The following EXOC6B variants were observed in gnomAD, a reference collection of about 807,000 sequenced individuals.
The protein encoded by EXOC6B is SEC15 homolog B.
A neutral mutation model predicts 113.5 loss-of-function variants in EXOC6B; 54 were observed. The ratio of observed to expected loss-of-function variants is 0.48; its 90% CI spans 0.38 to 0.60. EXOC6B has a LOEUF of 0.60. Ranked by LOEUF, EXOC6B falls within the 20% of genes least tolerant of loss-of-function variation. EXOC6B has a pLI of 0.00. For missense variants in EXOC6B, 797 were observed against 977.5 expected (o/e 0.82, Z 2.46); for synonymous variants, 357 against 339.0 (o/e 1.05, Z -0.58).
intron 18 of EXOC6B, among the ~76,000 whole-genome samples, chr2:72,382,554 T>G (rs1230312771): frequency 6.6e-6 from 1 of 152,154 alleles, no homozygotes; most frequent in Non-Finnish European, 1.5e-5. Flanking sequence ...AATAGTTTAG[T>G]TCTGTGAAGA....
At chr2:72,465,826 T>C (rs1698016222) in intron 17 of EXOC6B, among the ~76,000 whole-genome samples, 1 of 152,210 alleles carries the variant, frequency 6.6e-6, no homozygotes, top group Non-Finnish European at 1.5e-5. Context: ...TTCTGTTAAA[T>C]ACTCTCTATT....
chr2:72,313,107 CA>C (rs1372174762), intron 20 of EXOC6B, among the ~76,000 whole-genome samples: 2 of 151,982 alleles, frequency 1.3e-5, no homozygotes, highest in Non-Finnish European at 2.9e-5. Flanking sequence ...TTAGCCTCAG[CA>C]CTATTAGAAA....
chr2:72,269,038 C>A (rs1684316683), intron 20 of EXOC6B, among the ~76,000 whole-genome samples: 1 of 152,026 alleles, frequency 6.6e-6, no homozygotes, highest in African/African-American at 2.4e-5. Context: ...AGATAAATAC[C>A]AAATTCACAG....
intron 18 of EXOC6B, among the ~76,000 whole-genome samples, chr2:72,391,116 G>T (rs1005058047): frequency 2.0e-5 from 3 of 152,036 alleles, no homozygotes; most frequent in South Asian, 2.1e-4. Flanking sequence ...GAGATTGCTG[G>T]GTTTACACTT....
intron 6 of EXOC6B, among the ~76,000 whole-genome samples, chr2:72,624,289 G>C (rs1293177140): frequency 1.3e-5 from 2 of 151,916 alleles, no homozygotes; most frequent in African/African-American, 4.8e-5. Context: ...GTAGAGACAG[G>C]GGTTTTGCTA....
Position 72,534,543 on chromosome 2 carries a change from A to G in EXOC6B, c.916-19417T>C, listed in dbSNP as rs563104394. Among the ~76,000 whole-genome samples, 5 of 152,282 alleles carry G rather than the reference A, an allele frequency of 3.3e-5. No individual in the cohort carries two copies. The South Asian group carries it at 1.0e-3, about 32-fold the overall frequency. On this transcript the variant is annotated intron_variant, in intron 8 of 21. Transcript: ENST00000272427. ...CTTGATTGAGGTAAGGGTTGGATTT[A>G]AGGTTTGAGGAAGTAGAAGAGGCAA...
chr2:72,224,667 T>A (rs552621398), intron 20 of EXOC6B, among the ~76,000 whole-genome samples: 1 of 152,068 alleles, frequency 6.6e-6, no homozygotes, highest in Admixed American at 6.6e-5. Context: ...TCTCGCTCTG[T>A]TGCCCAGGCT....
At chr2:72,780,799 A>G (rs920289730) in intron 1 of EXOC6B, among the ~76,000 whole-genome samples, 1 of 152,198 alleles carries the variant, frequency 6.6e-6, no homozygotes, top group African/African-American at 2.4e-5. Context: ...AGCTATACCA[A>G]TTCCCTTTAC....
At chr2:72,442,858 T>C (rs1389256389) in intron 18 of EXOC6B, among the ~76,000 whole-genome samples, 1 of 152,114 alleles carries the variant, frequency 6.6e-6, no homozygotes, top group Non-Finnish European at 1.5e-5. Flanking sequence ...AAACTGCCAT[T>C]GACATTCTTC....
chr2:72,347,291 T>C (rs1160077865), intron 19 of EXOC6B, among the ~76,000 whole-genome samples: 1 of 152,162 alleles, frequency 6.6e-6, no homozygotes, highest in Non-Finnish European at 1.5e-5. Flanking sequence ...GTGGGTTTCC[T>C]GAGAGATGAG....
At chr2:72,659,099 GA>G (rs1375740095) in intron 6 of EXOC6B, among the ~76,000 whole-genome samples, 2 of 151,996 alleles carry the variant, frequency 1.3e-5, no homozygotes, top group East Asian at 3.9e-4. Flanking sequence ...ATTATTTTTG[GA>G]AGTAGGTAGA....
At chr2:72,728,564 C>G (rs1462135950) in intron 5 of EXOC6B, among the ~76,000 whole-genome samples, 1 of 152,154 alleles carries the variant, frequency 6.6e-6, no homozygotes. Flanking sequence ...ATGTTATATA[C>G]TCATAATGGG....
intron 8 of EXOC6B, among the ~76,000 whole-genome samples, chr2:72,533,602 G>A (rs1170875677): frequency 6.6e-6 from 1 of 152,158 alleles, no homozygotes; most frequent in African/African-American, 2.4e-5. Context: ...TTATATGACT[G>A]TCTTTCTCCA....
intron 20 of EXOC6B, among the ~76,000 whole-genome samples, chr2:72,321,519 G>C (rs1157163000): frequency 7.7e-6 from 1 of 130,282 alleles, no homozygotes; most frequent in African/African-American, 3.0e-5. Flanking sequence ...GGGAGACAGA[G>C]AGAGACTCCG....
At chr2:72,786,113 A>C (rs1684360674) in intron 1 of EXOC6B, among the ~76,000 whole-genome samples, 1 of 152,232 alleles carries the variant, frequency 6.6e-6, no homozygotes, top group South Asian at 2.1e-4. Context: ...AAAACAAGGA[A>C]GCAAGAAATG....
intron 6 of EXOC6B, among the ~76,000 whole-genome samples, chr2:72,706,305 G>A (rs917022266): frequency 5.3e-5 from 8 of 152,192 alleles, no homozygotes; most frequent in Non-Finnish European, 8.8e-5. Context: ...TGAAAGGTGT[G>A]TGTGTCATGG....
At chr2:72,631,426 G>GTGTATATATATATA (rs1290760055) in intron 6 of EXOC6B, among the ~76,000 whole-genome samples, 6 of 28,164 alleles carry the variant, frequency 2.1e-4, no homozygotes, top group Admixed American at 5.0e-4. Flanking sequence ...GTGTGTGTGT[G>GTGTATATATATATA]TATATATATA....
chr2:72,252,761 T>G (rs1214414348), intron 20 of EXOC6B, among the ~76,000 whole-genome samples: 1 of 152,234 alleles, frequency 6.6e-6, no homozygotes, highest in Non-Finnish European at 1.5e-5. Flanking sequence ...CAACCTATTG[T>G]GTACTATGCT....
At chr2:72,238,670 G>A (rs762459603) in intron 20 of EXOC6B, among the ~76,000 whole-genome samples, 26 of 152,034 alleles carry the variant, frequency 1.7e-4, no homozygotes, top group Non-Finnish European at 3.7e-4. Flanking sequence ...TAAGCATTTT[G>A]TTCATGTAAT....
Sources: gnomAD v4.1 joint callset for allele counts (sites outside exome capture counted in the v4.1 genomes callset) on GRCh38, gnomAD v4.1.1 for gene constraint, MANE v1.5 for transcripts, NCBI Gene and HGNC (gene_info 2026-07-23, HGNC 2026-07-21) for gene names.